Variants in C17orf67 observed in about 807,000 individuals in gnomAD.
C17orf67 encodes uncharacterized protein C17orf67.
A neutral mutation model predicts 11.2 loss-of-function variants in C17orf67; 12 were observed. The ratio of observed to expected loss-of-function variants is 1.07; its 90% CI spans 0.68 to 1.73. The LOEUF is 1.73. C17orf67 is among the 40% of genes most tolerant of loss of function. C17orf67 has a pLI of 0.00. For missense variants in C17orf67, 115 were observed against 113.5 expected, an observed-to-expected ratio of 1.01 and a Z score of -0.06; for synonymous variants, 59 against 46.9, an observed-to-expected ratio of 1.26 and a Z score of -1.05.
intron 2 of C17orf67, among the ~76,000 whole-genome samples, chr17:56,828,452 T>C (rs1447920837): frequency 6.6e-6 from 1 of 152,114 alleles, no homozygotes; most frequent in East Asian, 1.9e-4. Flanking sequence ...GTCTCTGGAA[T>C]CAGAATATGA....
At chr17:56,818,994 G>A (rs1018133611) in intron 4 of C17orf67, among the ~76,000 whole-genome samples, 1 of 152,126 alleles carries the variant, frequency 6.6e-6, no homozygotes, top group African/African-American at 2.4e-5. Flanking sequence ...CTGTTCTCCA[G>A]GTAGCAGCAA....
At chr17:56,796,478 T>C (rs1190276183) in intron 6 of C17orf67, among the ~76,000 whole-genome samples, 1 of 152,188 alleles carries the variant, frequency 6.6e-6, no homozygotes, top group Non-Finnish European at 1.5e-5. Flanking sequence ...CGGTGTATGA[T>C]TCTGTTCATA....
intron 2 of C17orf67, 37 bp downstream of exon 2, chr17:56,832,861 T>C (rs1019110258): frequency 8.5e-5 from 13 of 152,242 alleles, no homozygotes; most frequent in Non-Finnish European, 4.4e-5. Flanking sequence ...CACATGCATA[T>C]ATATGCACAC....
rs570953415 is a variant in C17orf67, at chr17:56,815,063, T to A, written c.56-94A>T. On this transcript the variant is annotated intron_variant, in intron 5 of 7. Transcript: ENST00000397861. ...AAGGCAAAAGATTTGCAAGTTCAAT[T>A]TTGGTTAAAACATGAAAGTTCTTTC... is the stretch of plus-strand genomic sequence containing the variant. 1.1e-5 allele frequency: 12 copies of A among 1,112,868 alleles called. No homozygotes were observed. In the African/African-American group the frequency reaches 1.8e-4, roughly 17 times the overall value. 68.9% of individuals were successfully genotyped at this position (1,112,868 alleles called of 1,614,324 possible).
chr17:56,825,049 T>C (rs1905993177), intron 3 of C17orf67, 32 bp downstream of exon 3: 1 of 152,166 alleles, frequency 6.6e-6, no homozygotes, highest in Non-Finnish European at 1.5e-5. Context: ...CATTTCAAAA[T>C]ATAAACAAAA....
intron 6 of C17orf67, among the ~76,000 whole-genome samples, chr17:56,805,309 G>A (rs1346729954): frequency 1.3e-5 from 2 of 152,294 alleles, no homozygotes; most frequent in South Asian, 2.1e-4. Context: ...GCCATGGGAG[G>A]AGAACTTGCA....
At chr17:56,816,833 T>TTTTGG (rs2144137482) in intron 4 of C17orf67, among the ~76,000 whole-genome samples, 1 of 152,298 alleles carries the variant, frequency 6.6e-6, no homozygotes, top group South Asian at 2.1e-4. Flanking sequence ...TCTTGTTTTG[T>TTTTGG]TTTGGTTTGG....
chr17:56,794,569 GC>G (rs1905173099), intron 7 of C17orf67, among the ~76,000 whole-genome samples: 2 of 152,174 alleles, frequency 1.3e-5, no homozygotes, highest in Admixed American at 1.3e-4. Flanking sequence ...CAGAGGGTGG[GC>G]TGGGCAGATT....
chr17:56,814,525 C>G (rs1905707649), intron 6 of C17orf67, among the ~76,000 whole-genome samples: 1 of 152,072 alleles, frequency 6.6e-6, no homozygotes, highest in Non-Finnish European at 1.5e-5. Context: ...GCTCCGGGGC[C>G]CAAGGGAAGA....
chr17:56,808,100 T>C (rs570180637), intron 6 of C17orf67, among the ~76,000 whole-genome samples: 2 of 152,204 alleles, frequency 1.3e-5, no homozygotes, highest in South Asian at 4.1e-4. Context: ...TTATTCTGAA[T>C]ATTCTCATAA....
intron 6 of C17orf67, among the ~76,000 whole-genome samples, chr17:56,797,364 G>A (rs886593644): frequency 1.3e-5 from 2 of 152,106 alleles, no homozygotes; most frequent in Non-Finnish European, 2.9e-5. Context: ...TGGGGGCACA[G>A]CACAACCTTT....
At chr17:56,822,771 C>T (rs541457270) in intron 4 of C17orf67, among the ~76,000 whole-genome samples, 114 of 152,276 alleles carry the variant, frequency 7.5e-4, no homozygotes, top group Admixed American at 2.1e-3. Context: ...TGACTTGCCC[C>T]GTGTCAACAC....
In C17orf67 at chr17:56,815,857, G is replaced by A. The variant is rs898244193; in HGVS notation, c.-47C>T. 2.5e-6 allele frequency: 4 copies of A among 1,612,274 alleles called. No individual in the cohort carries two copies. The highest frequency in any genetic ancestry group is 1.3e-5 in the African/African-American group (1 of 74,856). On this transcript the variant is annotated 5_prime_UTR_variant, in exon 5 of 8. Coordinates refer to ENST00000397861, the MANE Select transcript of C17orf67 (RefSeq NM_001085430.4). ...CTTGCTGAGTGAATCCTCCCAGACT[G>A]AGTCAGCCAACTTGAAGGAAGCCAT...
intron 4 of C17orf67, among the ~76,000 whole-genome samples, chr17:56,816,721 C>T (rs1905770766): frequency 6.6e-6 from 1 of 152,230 alleles, no homozygotes; most frequent in Admixed American, 6.5e-5. Context: ...TGGAACCAGC[C>T]ATGCTCCAGA....
At chr17:56,819,994 T>C (rs978986304) in intron 4 of C17orf67, among the ~76,000 whole-genome samples, 18 of 134,140 alleles carry the variant, frequency 1.3e-4, no homozygotes, top group African/African-American at 5.1e-4. Flanking sequence ...CCTAAAACTA[T>C]TTCCGTACTT....
At chr17:56,806,828 T>A (rs1726263694) in intron 6 of C17orf67, among the ~76,000 whole-genome samples, 2 of 152,158 alleles carry the variant, frequency 1.3e-5, no homozygotes, top group African/African-American at 4.8e-5. Flanking sequence ...AGGGAGACCA[T>A]TAAGAGATTA....
chr17:56,795,012 G>T, intron 7 of C17orf67, 32 bp downstream of exon 7: 1 of 1,496,086 alleles, frequency 6.7e-7, no homozygotes, highest in Non-Finnish European at 9.3e-7. Context: ...CACTCCCTCA[G>T]ACAGAGGTCC....
chr17:56,822,515 T>G (rs981054355), intron 4 of C17orf67, among the ~76,000 whole-genome samples: 2 of 152,194 alleles, frequency 1.3e-5, no homozygotes, highest in African/African-American at 4.8e-5. Flanking sequence ...AAAATTCACC[T>G]CATAAGGTTA....
Position 56,815,756 on chromosome 17 carries a change from C to T in C17orf67, c.55G>A (p.Glu19Lys). The change falls in exon 5 of 8, where the codon GAG becomes AAG. Residue 19 changes from glutamate to lysine, a missense_variant and splice_region_variant. Physicochemically the swap from Glu to Lys is moderately conservative, Grantham distance 56. Transcript: ENST00000397861. Reference sequence around the variant, plus strand: ...GGCTGTTTTTGGAGTCAGTGCCCACCTGAGAAGACAGTCAGTAAGGTAAGA... The same window carrying T: ...GGCTGTTTTTGGAGTCAGTGCCCACTTGAGAAGACAGTCAGTAAGGTAAGA... ...LSLTLLTVFS[E>K]TSPILTEKQA... 1 of 1,609,336 alleles carries T rather than the reference C, an allele frequency of 6.2e-7. No individual in the cohort carries two copies.
Sources: allele counts gnomAD v4.1 joint callset (sites outside exome capture counted in the v4.1 genomes callset), GRCh38; gene constraint gnomAD v4.1.1; transcripts MANE v1.5; gene names NCBI Gene and HGNC (gene_info 2026-07-23, HGNC 2026-07-21).